Variants in NEDD4L observed in about 807,000 individuals in gnomAD.
The protein encoded by NEDD4L is NEDD4 like E3 ubiquitin protein ligase.
A neutral mutation model predicts 148.9 loss-of-function variants in NEDD4L; 54 were observed. The ratio of observed to expected loss-of-function variants is 0.36; its 90% CI spans 0.29 to 0.45. The LOEUF (loss-of-function observed/expected upper bound fraction) is 0.45. Ranked by LOEUF, NEDD4L falls within the 20% of genes least tolerant of loss-of-function variation. The pLI, the probability that NEDD4L is intolerant of heterozygous loss-of-function variation, is 1.00. For missense variants in NEDD4L, 856 were observed against 1,233.8 expected (o/e 0.69, Z 4.59); for synonymous variants, 433 against 440.7 (o/e 0.98, Z 0.22).
At chr18:58,326,875 A>G (rs1039858865) in intron 9 of NEDD4L, among the ~76,000 whole-genome samples, 2 of 152,240 alleles carry the variant, frequency 1.3e-5, no homozygotes, top group African/African-American at 2.4e-5. Context: ...AAAACACTTC[A>G]TACATTTTAA....
At chr18:58,110,140 A>G (rs1397821230) in intron 1 of NEDD4L, among the ~76,000 whole-genome samples, 2 of 152,206 alleles carry the variant, frequency 1.3e-5, no homozygotes, top group East Asian at 3.9e-4. Flanking sequence ...TGGGGTGGGC[A>G]TGACTGGGTT....
At chr18:58,292,421 C>T (rs1426008512) in intron 5 of NEDD4L, among the ~76,000 whole-genome samples, 1 of 152,164 alleles carries the variant, frequency 6.6e-6, no homozygotes, top group Non-Finnish European at 1.5e-5. Flanking sequence ...GCATAACTCT[C>T]CACAGGCTCC....
chr18:58,234,057 C>CTT (rs1555753262), intron 2 of NEDD4L, among the ~76,000 whole-genome samples: 1 of 80,442 alleles, frequency 1.2e-5, no homozygotes, highest in Non-Finnish European at 2.5e-5. Context: ...TTCTTTCTTT[C>CTT]TTTCTTTCTT....
intron 2 of NEDD4L, among the ~76,000 whole-genome samples, chr18:58,211,224 A>G (rs1445004040): frequency 6.6e-6 from 1 of 152,236 alleles, no homozygotes; most frequent in Non-Finnish European, 1.5e-5. Context: ...TACAATTAGT[A>G]TTTAATATTA....
intron 1 of NEDD4L, among the ~76,000 whole-genome samples, chr18:58,094,352 T>C (rs1568207109): frequency 6.6e-6 from 1 of 151,820 alleles, no homozygotes; most frequent in Non-Finnish European, 1.5e-5. Flanking sequence ...GCCTGGCTAA[T>C]TTTTTGTATT....
chr18:58,199,225 G>A (rs145700595), intron 2 of NEDD4L, among the ~76,000 whole-genome samples: 70 of 152,288 alleles, frequency 4.6e-4, no homozygotes, highest in Middle Eastern at 3.4e-3. Context: ...CTTACATTGC[G>A]ATAGAAATTT....
chr18:58,120,331 A>C (rs1322605606), intron 1 of NEDD4L, among the ~76,000 whole-genome samples: 1 of 152,178 alleles, frequency 6.6e-6, no homozygotes, highest in Non-Finnish European at 1.5e-5. Context: ...TGGTTCTGCT[A>C]TTCATTGGCC....
intron 1 of NEDD4L, among the ~76,000 whole-genome samples, chr18:58,162,405 G>A (rs773873650): frequency 1.1e-4 from 16 of 151,738 alleles, no homozygotes; most frequent in Non-Finnish European, 2.4e-4. Flanking sequence ...CAGCCCTGCC[G>A]CACCACTCAG....
chr18:58,267,119 A>G (rs2050326897), intron 5 of NEDD4L, among the ~76,000 whole-genome samples: 1 of 151,980 alleles, frequency 6.6e-6, no homozygotes, highest in Non-Finnish European at 1.5e-5. Flanking sequence ...CCAGATAGAG[A>G]ATTGATCAAT....
intron 2 of NEDD4L, among the ~76,000 whole-genome samples, chr18:58,179,713 C>A (rs117254250): frequency 6.6e-6 from 1 of 151,708 alleles, no homozygotes; most frequent in Non-Finnish European, 1.5e-5. Context: ...GAGAATCTAA[C>A]GCCTGATGAT....
Position 58,396,508 on chromosome 18 carries a change from G to A in NEDD4L, c.*239G>A. On this transcript the variant is annotated 3_prime_UTR_variant, in exon 31 of 31. Coordinates refer to ENST00000400345, the MANE Select transcript of NEDD4L (RefSeq NM_001144967.3). ...GATGTGTACACTAATTACATTTCAG[G>A]AGGACTTAATGCTATTTATGTTGTG... The A allele has an allele frequency of 2.5e-6, 1 of 392,914 alleles. No individual in the cohort carries two copies. The allele number at this position is 392,914 out of a possible 1,614,324, so 24.3% of individuals were successfully genotyped here.
intron 8 of NEDD4L, among the ~76,000 whole-genome samples, chr18:58,324,577 T>C (rs988205877): frequency 6.6e-6 from 1 of 152,176 alleles, no homozygotes; most frequent in African/African-American, 2.4e-5. Context: ...CTTTACCTCA[T>C]AGAGGTGTTG....
chr18:58,189,458 G>A (rs112883117), intron 2 of NEDD4L, among the ~76,000 whole-genome samples: 24 of 152,182 alleles, frequency 1.6e-4, no homozygotes, highest in African/African-American at 5.6e-4. Context: ...TTCCTTGGGC[G>A]TATTTAACCT....
rs1303358246 is a variant in NEDD4L, at chr18:58,396,786, G to C, written c.*517G>C. The C allele has an allele frequency of 2.0e-5, 3 of 146,662 alleles. No individual in the cohort carries two copies. Among genetic ancestry groups the C allele is most frequent in the African/African-American group, 7.6e-5 (3 of 39,236 alleles). The allele number at this position is 146,662 out of a possible 1,614,324, so 9.1% of individuals were successfully genotyped here. A position where few individuals can be genotyped will look rare whatever the true frequency, so the allele number is the denominator to read the frequency against. On this transcript the variant is annotated 3_prime_UTR_variant, in exon 31 of 31. Coordinates refer to ENST00000400345, the MANE Select transcript of NEDD4L (RefSeq NM_001144967.3). ...GACATTTTTATTTTTGAAGTACTCT[G>C]ACACCTCCACCCTCTACTTTATTAG...
chr18:58,357,594 G>T (rs1275934155), intron 19 of NEDD4L: 2 of 449,490 alleles, frequency 4.4e-6, no homozygotes, highest in Non-Finnish European at 8.4e-6. Context: ...TTCATAAAGT[G>T]TTATCATTTC....
chr18:58,390,946 TG>T (rs2049745263), intron 29 of NEDD4L, among the ~76,000 whole-genome samples: 1 of 151,902 alleles, frequency 6.6e-6, no homozygotes, highest in Non-Finnish European at 1.5e-5. Flanking sequence ...TTCGAGGGAT[TG>T]GGGGGCAGTT....
chr18:58,231,093 A>T (rs79752655), intron 2 of NEDD4L, among the ~76,000 whole-genome samples: 6,200 of 150,518 alleles, frequency 0.041, 312 homozygotes, highest in East Asian at 0.14. Flanking sequence ...TACAAAAATT[A>T]AAAAAAAATT....
intron 18 of NEDD4L, 129 bp downstream of exon 18, chr18:58,351,174 T>C: frequency 6.6e-7 from 1 of 1,509,968 alleles, no homozygotes; most frequent in Non-Finnish European, 8.9e-7. Flanking sequence ...GAGAAAATGA[T>C]ACCAGAGAAT....
At position 58,396,293 on chromosome 18, in the gene NEDD4L, T is replaced by G. The variant is rs1320471616; in HGVS notation, c.*24T>G. On this transcript the variant is annotated 3_prime_UTR_variant, in exon 31 of 31. Transcript: ENST00000400345. The stretch of plus-strand genomic sequence containing the variant: ...AAGCACCCTGTGCCTCGGGGGTGGT[T>G]GTTCTTCAAGCAAGTTCTGCTTGCA... 3.3e-6 allele frequency: 5 copies of G among 1,526,482 alleles called. No individual in the cohort carries two copies. The highest frequency in any genetic ancestry group is 2.3e-5 in the East Asian group (1 of 44,334). The allele number at this position is 1,526,482 out of a possible 1,614,324, so 94.6% of individuals were successfully genotyped here.
Sources: gnomAD v4.1 joint callset for allele counts (sites outside exome capture counted in the v4.1 genomes callset) on GRCh38, gnomAD v4.1.1 for gene constraint, MANE v1.5 for transcripts, NCBI Gene and HGNC (gene_info 2026-07-23, HGNC 2026-07-21) for gene names.